The following RBM19 variants were observed in gnomAD, a reference collection of about 807,000 sequenced individuals.
The protein encoded by RBM19 is RNA binding motif protein 19.
A neutral mutation model predicts 116.8 loss-of-function variants in RBM19; 94 were observed. That is an observed-to-expected ratio of 0.80 (90% CI 0.68 to 0.95). RBM19 has a LOEUF of 0.95. RBM19 is among the 40% of genes least tolerant of loss of function. RBM19 has a pLI of 0.00. For missense variants in RBM19, 1,161 were observed against 1,220.7 expected, an observed-to-expected ratio of 0.95 and a Z score of 0.73; for synonymous variants, 475 against 494.1, an observed-to-expected ratio of 0.96 and a Z score of 0.51.
chr12:113,856,806 CCAGGCCCTGTT>C (rs1877942941), intron 22 of RBM19, among the ~76,000 whole-genome samples: 1 of 152,176 alleles, frequency 6.6e-6, no homozygotes, highest in Non-Finnish European at 1.5e-5. Flanking sequence ...TATGTAGGGG[CCAGGCCCTGTT>C]CTAAATTATC....
intron 9 of RBM19, 142 bp downstream of exon 9, chr12:113,949,941 G>A: frequency 2.8e-6 from 2 of 725,552 alleles, no homozygotes; most frequent in Non-Finnish European, 4.5e-6. Flanking sequence ...TCCCTGCCAT[G>A]TCCCCAGTGC....
downstream of RBM19, among the ~76,000 whole-genome samples, chr12:113,821,296 C>G (rs1015208390): frequency 2.6e-5 from 4 of 152,136 alleles, no homozygotes; most frequent in African/African-American, 7.2e-5. Flanking sequence ...GCACCAGGCC[C>G]GTGGGTCTAC....
chr12:113,881,177 T>A (rs1250693735), intron 21 of RBM19, among the ~76,000 whole-genome samples: 1 of 152,050 alleles, frequency 6.6e-6, no homozygotes, highest in African/African-American at 2.4e-5. Flanking sequence ...CGATAATGGC[T>A]TTTCTCGAGC....
At chr12:113,859,936 T>C (rs966812625) in intron 21 of RBM19, among the ~76,000 whole-genome samples, 1 of 152,116 alleles carries the variant, frequency 6.6e-6, no homozygotes, top group Admixed American at 6.5e-5. Flanking sequence ...TCTCGTGAAA[T>C]GATATAAGCT....
intron 20 of RBM19, among the ~76,000 whole-genome samples, chr12:113,915,546 T>G (rs1461240112): frequency 6.6e-6 from 1 of 152,128 alleles, no homozygotes; most frequent in African/African-American, 2.4e-5. Context: ...CAGCCCAGGT[T>G]CAAGGCCATC....
At chr12:113,871,653 G>A (rs1166895910) in intron 21 of RBM19, among the ~76,000 whole-genome samples, 1 of 152,178 alleles carries the variant, frequency 6.6e-6, no homozygotes, top group Non-Finnish European at 1.5e-5. Context: ...ATCAAAACAT[G>A]ATATTAAAAC....
At chr12:113,856,967 C>T (rs976252343) in intron 22 of RBM19, among the ~76,000 whole-genome samples, 1 of 152,224 alleles carries the variant, frequency 6.6e-6, no homozygotes, top group Non-Finnish European at 1.5e-5. Flanking sequence ...CTCTGGGGTT[C>T]AAACTCAGGC....
At chr12:113,940,204 A>G in intron 14 of RBM19, 44 bp from the exon 15 acceptor site, 1 of 1,574,748 alleles carries the variant, frequency 6.4e-7, no homozygotes, top group Non-Finnish European at 8.7e-7. Flanking sequence ...AGGAGGGAGG[A>G]GGGTCCCCAG....
chr12:113,927,304 T>C (rs1869175110), intron 16 of RBM19, 75 bp from the exon 17 acceptor site: 4 of 1,479,448 alleles, frequency 2.7e-6, no homozygotes, highest in Non-Finnish European at 3.6e-6. Flanking sequence ...ACCAGAGCCC[T>C]GGGGCCAACT....
intron 15 of RBM19, among the ~76,000 whole-genome samples, chr12:113,939,540 G>C (rs1870361969): frequency 6.6e-6 from 1 of 151,878 alleles, no homozygotes; most frequent in South Asian, 2.1e-4. Context: ...ACGAGGTCAG[G>C]AGATCGAGAC....
At chr12:113,955,256 C>T (rs376445604) in intron 6 of RBM19, 45 bp from the exon 7 acceptor site, 35 of 1,571,962 alleles carry the variant, frequency 2.2e-5, no homozygotes, top group African/African-American at 1.4e-4. Context: ...ACTAACCCTT[C>T]GTACAGCTGC....
downstream of RBM19, among the ~76,000 whole-genome samples, chr12:113,818,847 T>A (rs10744801): frequency 0.2 from 30,262 of 151,896 alleles, 3,343 homozygotes; most frequent in Middle Eastern, 0.33. Context: ...CCCTCACCCC[T>A]GTCTGTTCTC....
chr12:113,897,181 T>G (rs1325086935), intron 21 of RBM19, among the ~76,000 whole-genome samples: 2 of 152,236 alleles, frequency 1.3e-5, no homozygotes, highest in Admixed American at 6.5e-5. Flanking sequence ...TATTTTTTTA[T>G]TTTTTGAGAT....
downstream of RBM19, among the ~76,000 whole-genome samples, chr12:113,819,635 C>T (rs1472398358): frequency 4.6e-5 from 7 of 152,164 alleles, no homozygotes; most frequent in Non-Finnish European, 8.8e-5. Context: ...CAACCGAAGC[C>T]GCCTTTCAGA....
chr12:113,965,346 A>AG (rs55780964), intron 1 of RBM19, among the ~76,000 whole-genome samples: 30 of 145,150 alleles, frequency 2.1e-4, no homozygotes, highest in South Asian at 1.8e-3. Flanking sequence ...AAAGAGAGAG[A>AG]AAAAAAAGAG....
chr12:113,933,768 C>G (rs1000796367), intron 16 of RBM19, among the ~76,000 whole-genome samples: 5 of 152,210 alleles, frequency 3.3e-5, no homozygotes, highest in Non-Finnish European at 5.9e-5. Flanking sequence ...GGGCCCACTT[C>G]TATTACTACT....
intron 23 of RBM19, among the ~76,000 whole-genome samples, chr12:113,836,418 C>T (rs1310270087): frequency 2.0e-5 from 3 of 152,082 alleles, no homozygotes; most frequent in African/African-American, 7.2e-5. Context: ...AGGTGTTTTG[C>T]AAGCATCAAC....
At position 113,946,542 on chromosome 12, in the gene RBM19, G is replaced by A. The variant is rs1871041328; in HGVS notation, c.1408-67C>T. On this transcript the variant is annotated intron_variant, in intron 11 of 23. Coordinates refer to ENST00000261741, the MANE Select transcript of RBM19 (RefSeq NM_016196.4). ...CTGTAAGCCCTGCTTCCTGCCGAAG[G>A]ATGTTGGCTTCTGCCACGAGTAAGC... is the stretch of plus-strand genomic sequence containing the variant. The A allele has an allele frequency of 1.9e-6, 3 of 1,604,734 alleles. No homozygotes were observed. The East Asian group carries it at 6.7e-5, about 36-fold the overall frequency.
intron 14 of RBM19, among the ~76,000 whole-genome samples, chr12:113,941,548 T>C (rs1262733356): frequency 6.6e-6 from 1 of 152,076 alleles, no homozygotes; most frequent in African/African-American, 2.4e-5. Flanking sequence ...TATCCATCTA[T>C]CTACCCATCC....
Sources: allele counts gnomAD v4.1 joint callset (sites outside exome capture counted in the v4.1 genomes callset), GRCh38; gene constraint gnomAD v4.1.1; transcripts MANE v1.5; gene names NCBI Gene and HGNC (gene_info 2026-07-23, HGNC 2026-07-21).